PDGFA: variants seen among roughly 807,000 people sequenced by gnomAD.
PDGFA encodes the protein platelet-derived growth factor subunit A.
PDGFA carries 9 observed loss-of-function variants against 25.6 expected under a neutral mutation model. That is an observed-to-expected ratio of 0.35 (90% CI 0.21 to 0.61). The LOEUF (loss-of-function observed/expected upper bound fraction) is 0.61. Among genes scored for constraint, PDGFA ranks in the 20% least tolerant of loss-of-function variants. PDGFA has a pLI of 0.75. For missense variants in PDGFA, 242 were observed against 272.8 expected, an observed-to-expected ratio of 0.89 and a Z score of 0.79; for synonymous variants, 133 against 111.8, an observed-to-expected ratio of 1.19 and a Z score of -1.20.
At chr7:506,944 G>C (rs1782584894) in intron 4 of PDGFA, among the ~76,000 whole-genome samples, 1 of 152,204 alleles carries the variant, frequency 6.6e-6, no homozygotes, top group African/African-American at 2.4e-5. Context: ...GCCCATCCTG[G>C]GTGGACAGAC....
intron 2 of PDGFA, among the ~76,000 whole-genome samples, chr7:516,052 C>A (rs1270324736): frequency 3.3e-5 from 4 of 120,188 alleles, no homozygotes; most frequent in South Asian, 3.5e-4. Context: ...CCCCCCCCCC[C>A]ACTTTTCCAA....
At chr7:511,062 A>C (rs1782808848) in intron 3 of PDGFA, 66 bp from the exon 4 acceptor site, 1 of 1,339,440 alleles carries the variant, frequency 7.5e-7, no homozygotes, top group African/African-American at 1.4e-5. Context: ...CCCAGGGCTG[A>C]GGCGGCTCCA....
chr7:497,377 AC>A (rs1782088382), exon 6 of PDGFA: 1 of 152,220 alleles, frequency 6.6e-6, no homozygotes, highest in South Asian at 2.1e-4. Flanking sequence ...TTACAAAAAA[AC>A]AAACCACACA....
intron 5 of PDGFA, 86 bp from the exon 6 acceptor site, chr7:498,660 G>A: frequency 7.8e-7 from 1 of 1,280,208 alleles, no homozygotes; most frequent in Non-Finnish European, 1.1e-6. Flanking sequence ...GAGGAAAACA[G>A]GGTGAAAACA....
intron 4 of PDGFA, among the ~76,000 whole-genome samples, chr7:508,107 G>A (rs940506218): frequency 6.6e-6 from 1 of 152,146 alleles, no homozygotes; most frequent in African/African-American, 2.4e-5. Flanking sequence ...GCCCGGTCGT[G>A]TGACGAGGAA....
At chr7:499,878 C>G (rs940793606) in intron 5 of PDGFA, among the ~76,000 whole-genome samples, 10 of 152,220 alleles carry the variant, frequency 6.6e-5, no homozygotes, top group Non-Finnish European at 1.5e-4. Context: ...CCTCCCTGCT[C>G]TGCAATCCCA....
At chr7:518,178 C>T (rs905842263) in intron 1 of PDGFA, among the ~76,000 whole-genome samples, 1 of 152,186 alleles carries the variant, frequency 6.6e-6, no homozygotes, top group Non-Finnish European at 1.5e-5. Flanking sequence ...CGCAGCTCTC[C>T]GTGCCCTGCG....
chr7:511,557 G>A (rs1303629241), intron 3 of PDGFA, among the ~76,000 whole-genome samples: 1 of 152,154 alleles, frequency 6.6e-6, no homozygotes, highest in African/African-American at 2.4e-5. Flanking sequence ...TGCATCAGCT[G>A]GGACTAGCCA....
chr7:512,946 G>A (rs1169359135), intron 2 of PDGFA: 7 of 235,780 alleles, frequency 3.0e-5, no homozygotes, highest in Admixed American at 9.8e-5. Context: ...GTGCCTGTAC[G>A]TCTCCCTCCC....
intron 2 of PDGFA, 194 bp from the exon 3 acceptor site, chr7:512,649 G>A (rs1463786685): frequency 9.9e-6 from 15 of 1,521,098 alleles, no homozygotes; most frequent in Non-Finnish European, 1.1e-5. Context: ...TTCCAGAGAT[G>A]CAGGGCATGA....
chr7:499,589 T>A (rs1035962002), intron 5 of PDGFA, among the ~76,000 whole-genome samples: 1 of 152,168 alleles, frequency 6.6e-6, no homozygotes, highest in Non-Finnish European at 1.5e-5. Flanking sequence ...CACCTCCATC[T>A]GGGAAGCGAC....
chr7:508,559 C>CAAAAAAAAAAAAAAAAAA (rs766165770), intron 4 of PDGFA, among the ~76,000 whole-genome samples: 3 of 35,670 alleles, frequency 8.4e-5, no homozygotes, highest in African/African-American at 3.3e-4. Flanking sequence ...GAAGCTGTCC[C>CAAAAAAAAAAAAAAAAAA]AAAAAAAAAA....
At chr7:501,831 T>C (rs1782353554) in intron 4 of PDGFA, among the ~76,000 whole-genome samples, 1 of 152,124 alleles carries the variant, frequency 6.6e-6, no homozygotes, top group Non-Finnish European at 1.5e-5. Context: ...GTGTGGAAGT[T>C]TGGGAGTTCT....
exon 6 of PDGFA, chr7:498,280 C>T (rs924633433): frequency 8.2e-6 from 4 of 489,856 alleles, no homozygotes; most frequent in South Asian, 6.3e-5. Context: ...TTTGTGAGTC[C>T]GTTTTGTTTT....
chr7:512,498 C>A (rs778625596), intron 2 of PDGFA, 43 bp from the exon 3 acceptor site: 6 of 1,612,376 alleles, frequency 3.7e-6, no homozygotes, highest in South Asian at 1.1e-5. Context: ...CAGGCCCGTG[C>A]GCTGTGCCCT....
exon 6 of PDGFA, chr7:498,310 T>C (rs1372041275): frequency 2.9e-5 from 15 of 509,860 alleles, no homozygotes; most frequent in Non-Finnish European, 4.1e-5. Context: ...TGGTTTTGTT[T>C]TCTCTCTCTC....
At chr7:511,021 C>T (rs377607457) in intron 3 of PDGFA, 25 bp from the exon 4 acceptor site, 27 of 1,595,362 alleles carry the variant, frequency 1.7e-5, no homozygotes, top group South Asian at 7.8e-5. Context: ...GCACAGTGAG[C>T]GGGGACCGGC....
chr7:512,265 C>A (rs778536658), intron 3 of PDGFA, 86 bp downstream of exon 3: 5 of 1,282,900 alleles, frequency 3.9e-6, no homozygotes, highest in South Asian at 1.4e-5. Flanking sequence ...CAGCTCCTCC[C>A]CACCCGGCCC....
chr7:506,445 G>A (rs1005946966), intron 4 of PDGFA, among the ~76,000 whole-genome samples: 5 of 151,978 alleles, frequency 3.3e-5, no homozygotes, highest in African/African-American at 1.2e-4. Flanking sequence ...CCAGACCCCA[G>A]AGAGTGGACA....
Sources: allele counts gnomAD v4.1 joint callset (sites outside exome capture counted in the v4.1 genomes callset), GRCh38; gene constraint gnomAD v4.1.1; transcripts MANE v1.5; gene names NCBI Gene and HGNC (gene_info 2026-07-23, HGNC 2026-07-21).